The following ASAP1 variants were observed in gnomAD, a reference collection of about 807,000 sequenced individuals.
ASAP1 encodes the protein arf-GAP with SH3 domain, ANK repeat and PH domain-containing protein 1.
ASAP1 carries 43 observed loss-of-function variants against 145.2 expected under a neutral mutation model. That is an observed-to-expected ratio of 0.30 (90% CI 0.23 to 0.38). The LOEUF (loss-of-function observed/expected upper bound fraction) is 0.38. Ranked by LOEUF, ASAP1 falls within the 10% of genes least tolerant of loss-of-function variation. The pLI, the probability that ASAP1 is intolerant of heterozygous loss-of-function variation, is 1.00. For missense variants in ASAP1, 1,018 were observed against 1,355.3 expected (o/e 0.75, Z 3.91); for synonymous variants, 546 against 515.5 (o/e 1.06, Z -0.80).
At chr8:130,097,597 G>GC (rs535849538) in intron 24 of ASAP1, among the ~76,000 whole-genome samples, 35 of 152,326 alleles carry the variant, frequency 2.3e-4, no homozygotes, top group African/African-American at 8.4e-4. Context: ...TCAGAAGTGT[G>GC]CCCGGCATAC....
intron 1 of ASAP1, among the ~76,000 whole-genome samples, chr8:130,442,253 A>G (rs1294381657): frequency 6.6e-6 from 1 of 152,192 alleles, no homozygotes; most frequent in Non-Finnish European, 1.5e-5. Context: ...AATCTAACAC[A>G]GAAGGGGCAT....
intron 1 of ASAP1, among the ~76,000 whole-genome samples, chr8:130,439,237 G>A (rs935582021): frequency 3.3e-5 from 5 of 152,134 alleles, no homozygotes; most frequent in Admixed American, 1.3e-4. Context: ...TACTGGAAAA[G>A]ACAAGGAAAC....
intron 23 of ASAP1, among the ~76,000 whole-genome samples, chr8:130,115,321 C>T (rs1360124890): frequency 6.6e-6 from 1 of 152,218 alleles, no homozygotes; most frequent in East Asian, 1.9e-4. Flanking sequence ...ACATTAACTC[C>T]TGCTGGGATT....
At position 130,052,956 on chromosome 8, in the gene ASAP1, C is replaced by T. The variant is rs2097396159; in HGVS notation, c.*1775G>A. 6.6e-6 allele frequency: 1 copy of T among 152,202 alleles called. No homozygotes were observed. The allele number at this position is 152,202 out of a possible 1,614,324, so 9.4% of individuals were successfully genotyped here. A position where few individuals can be genotyped will look rare whatever the true frequency, so the allele number is the denominator to read the frequency against. On this transcript the variant is annotated 3_prime_UTR_variant, in exon 30 of 30. Coordinates refer to ENST00000518721, the MANE Select transcript of ASAP1 (RefSeq NM_018482.4). ...CAACCCAGCATGTCAACTGGTTCCT[C>T]ATGCTCTGTTTGGTGTGGAAATTCA...
intron 9 of ASAP1, 98 bp from the exon 10 acceptor site, chr8:130,169,165 A>G (rs890523094): frequency 1.5e-6 from 1 of 671,778 alleles, no homozygotes; most frequent in Non-Finnish European, 2.5e-6. Context: ...AATAACCTAC[A>G]AAATCTGAAA....
At chr8:130,261,889 C>G (rs1358227955) in intron 3 of ASAP1, among the ~76,000 whole-genome samples, 1 of 151,724 alleles carries the variant, frequency 6.6e-6, no homozygotes, top group Non-Finnish European at 1.5e-5. Context: ...TGAACCTCTC[C>G]CCAAGCTACT....
intron 3 of ASAP1, among the ~76,000 whole-genome samples, chr8:130,299,914 T>C (rs990224666): frequency 2.6e-5 from 4 of 152,124 alleles, no homozygotes; most frequent in Admixed American, 2.6e-4. Flanking sequence ...ATTTTCTTCA[T>C]ACAAATCTTC....
intron 4 of ASAP1, among the ~76,000 whole-genome samples, chr8:130,219,318 C>T (rs535971245): frequency 2.3e-3 from 351 of 152,210 alleles, no homozygotes; most frequent in African/African-American, 8.2e-3. Context: ...AGCAGACTTT[C>T]AACAGGCACA....
intron 4 of ASAP1, among the ~76,000 whole-genome samples, chr8:130,221,812 C>T (rs187581270): frequency 8.9e-4 from 136 of 152,324 alleles, no homozygotes; most frequent in Non-Finnish European, 4.7e-4. Flanking sequence ...CTATCATTTA[C>T]TGTCTGTGTG....
intron 1 of ASAP1, among the ~76,000 whole-genome samples, chr8:130,406,291 G>C (rs1044909045): frequency 6.6e-6 from 1 of 151,972 alleles, no homozygotes; most frequent in Non-Finnish European, 1.5e-5. Context: ...CATAAACATG[G>C]GTCACCCACA....
intron 3 of ASAP1, among the ~76,000 whole-genome samples, chr8:130,310,620 G>A (rs1398401399): frequency 2.6e-5 from 4 of 151,484 alleles, no homozygotes; most frequent in Non-Finnish European, 5.9e-5. Flanking sequence ...AAACATATCA[G>A]CAATCTAGTT....
intron 17 of ASAP1, among the ~76,000 whole-genome samples, 167 bp from the exon 18 acceptor site, chr8:130,124,271 C>T (rs78522672): frequency 0.027 from 4,063 of 152,292 alleles, 181 homozygotes; most frequent in African/African-American, 0.092. Context: ...GCATCTACTA[C>T]GTGCCAAGCA....
intron 3 of ASAP1, among the ~76,000 whole-genome samples, chr8:130,345,148 T>G (rs1373843508): frequency 6.6e-6 from 1 of 152,160 alleles, no homozygotes; most frequent in East Asian, 1.9e-4. Context: ...CAAAGTGTTG[T>G]GTGGACGAAA....
intron 3 of ASAP1, among the ~76,000 whole-genome samples, chr8:130,262,332 T>C (rs1437219108): frequency 7.4e-6 from 1 of 135,154 alleles, no homozygotes; most frequent in East Asian, 2.2e-4. Context: ...GGGATGGAGG[T>C]TGCAGTGAGC....
At chr8:130,179,662 C>G (rs537510187) in intron 8 of ASAP1, among the ~76,000 whole-genome samples, 1 of 152,054 alleles carries the variant, frequency 6.6e-6, no homozygotes, top group Non-Finnish European at 1.5e-5. Flanking sequence ...TGGTCAAAAA[C>G]TGGAAAGATT....
At chr8:130,227,548 C>T (rs1817655564) in intron 4 of ASAP1, among the ~76,000 whole-genome samples, 1 of 151,920 alleles carries the variant, frequency 6.6e-6, no homozygotes, top group African/African-American at 2.4e-5. Flanking sequence ...ATGAGCCACA[C>T]TGCACCTGGA....
At chr8:130,303,198 C>A (rs1337224552) in intron 3 of ASAP1, among the ~76,000 whole-genome samples, 3 of 152,204 alleles carry the variant, frequency 2.0e-5, no homozygotes, top group African/African-American at 7.2e-5. Flanking sequence ...TCTTCAGCTA[C>A]AAAATGGAAT....
intron 24 of ASAP1, among the ~76,000 whole-genome samples, chr8:130,110,938 A>G (rs1251013888): frequency 6.6e-6 from 1 of 152,152 alleles, no homozygotes; most frequent in Non-Finnish European, 1.5e-5. Flanking sequence ...ATTTGGATTC[A>G]CTGGCAAAGA....
Position 130,118,218 on chromosome 8 carries a change from G to C in ASAP1, c.1823C>G (p.Ala608Gly), listed in dbSNP as rs1336629489. ...AGATGTCTGATCTGCAGTTCGGACG[G>C]CAAGGTGAAGGGCTGTCTCCCCAAG... ...QELGETALHL[A>G]VRTADQTSLH... The change falls in exon 20 of 30, where the codon GCC (alanine) becomes GGC (glycine). Residue 608 changes from alanine (A) to glycine (G), a missense_variant. Ala to Gly is a moderately conservative substitution (Grantham distance 60, BLOSUM62 0). Coordinates refer to ENST00000518721, the MANE Select transcript of ASAP1 (RefSeq NM_018482.4). 3.7e-6 allele frequency: 6 copies of C among 1,613,932 alleles called. No homozygotes were observed. Among genetic ancestry groups the C allele is most frequent in the Non-Finnish European group, 5.1e-6 (6 of 1,179,878 alleles).
Sources: allele counts gnomAD v4.1 joint callset (sites outside exome capture counted in the v4.1 genomes callset), GRCh38; gene constraint gnomAD v4.1.1; transcripts MANE v1.5; gene names NCBI Gene and HGNC (gene_info 2026-07-23, HGNC 2026-07-21).